KALRN: variants seen among roughly 807,000 people sequenced by gnomAD.
KALRN encodes the protein kalirin.
Under a neutral mutation model 353.7 loss-of-function variants are expected in KALRN, and 70 were observed. The ratio of observed to expected loss-of-function variants is 0.20; its 90% CI spans 0.16 to 0.24. The LOEUF (loss-of-function observed/expected upper bound fraction) is 0.24, where lower values mean the gene tolerates loss of function less well. Ranked by LOEUF, KALRN falls within the 10% of genes least tolerant of loss-of-function variation. The pLI, the probability that KALRN is intolerant of heterozygous loss-of-function variation, is 1.00. For missense variants in KALRN, 2,791 were observed against 3,756.7 expected (o/e 0.74, Z 6.72); for synonymous variants, 1,391 against 1,434.8 (o/e 0.97, Z 0.69).
intron 1 of KALRN, among the ~76,000 whole-genome samples, chr3:124,142,335 G>C (rs2066733601): frequency 1.3e-5 from 2 of 152,194 alleles, no homozygotes; most frequent in South Asian, 4.1e-4. Context: ...TCTGTACCCA[G>C]CCAACACATG....
At chr3:124,466,436 C>T (rs1447079829) in intron 25 of KALRN, among the ~76,000 whole-genome samples, 2 of 152,162 alleles carry the variant, frequency 1.3e-5, no homozygotes, top group African/African-American at 4.8e-5. Flanking sequence ...ATGCAGTCTT[C>T]CCATTTTGCC....
intron 1 of KALRN, chr3:124,164,749 T>C (rs1421013430): frequency 6.6e-6 from 1 of 152,262 alleles, no homozygotes; most frequent in Non-Finnish European, 1.5e-5. Flanking sequence ...ATTTTATTTC[T>C]TCTAAAATTA....
intron 1 of KALRN, chr3:124,152,427 C>A: frequency 7.4e-7 from 1 of 1,357,464 alleles, no homozygotes; most frequent in Non-Finnish European, 1.0e-6. Context: ...TGACAAATGC[C>A]AATTTGGGTT....
At chr3:124,680,634 T>A (rs766146657) in intron 51 of KALRN, among the ~76,000 whole-genome samples, 31 of 152,342 alleles carry the variant, frequency 2.0e-4, no homozygotes, top group Non-Finnish European at 3.4e-4. Flanking sequence ...ACCATGTTGT[T>A]TCAGCCACCA....
At chr3:124,097,566 C>T (rs1278912934) in intron 1 of KALRN, among the ~76,000 whole-genome samples, 1 of 152,176 alleles carries the variant, frequency 6.6e-6, no homozygotes, top group Non-Finnish European at 1.5e-5. Context: ...ACTCACTTGG[C>T]TGTGACTGGA....
At chr3:124,553,150 A>T (rs1441819915) in intron 33 of KALRN, among the ~76,000 whole-genome samples, 1 of 152,252 alleles carries the variant, frequency 6.6e-6, no homozygotes, top group Non-Finnish European at 1.5e-5. Context: ...TGATTACTGG[A>T]TAAACAATAT....
chr3:124,230,280 A>G (rs1473805816), intron 2 of KALRN, among the ~76,000 whole-genome samples: 1 of 152,182 alleles, frequency 6.6e-6, no homozygotes, highest in African/African-American at 2.4e-5. Flanking sequence ...TTCCCTCTGC[A>G]GTGCCTTCTC....
chr3:124,539,683 T>A (rs1386722894), intron 33 of KALRN, among the ~76,000 whole-genome samples: 7 of 152,176 alleles, frequency 4.6e-5, no homozygotes, highest in Admixed American at 3.9e-4. Flanking sequence ...TTCCAGATTC[T>A]TTTGAAGGAA....
intron 5 of KALRN, among the ~76,000 whole-genome samples, chr3:124,279,829 C>T (rs932991169): frequency 6.6e-6 from 1 of 152,166 alleles, no homozygotes; most frequent in Non-Finnish European, 1.5e-5. Context: ...AAGTTCACAA[C>T]GGTGTCTATT....
At chr3:124,688,130 G>A (rs941967935) in intron 51 of KALRN, among the ~76,000 whole-genome samples, 2 of 152,042 alleles carry the variant, frequency 1.3e-5, no homozygotes, top group Non-Finnish European at 2.9e-5. Flanking sequence ...GGGCAACATG[G>A]CGAGACCCCA....
rs1456550513 is a variant in KALRN, at chr3:124,462,588, A to C, written c.3986A>C (p.His1329Pro). 1.2e-6 allele frequency: 2 copies of C among 1,612,978 alleles called. No homozygotes were observed. Among genetic ancestry groups the C allele is most frequent in the Admixed American group, 1.7e-5 (1 of 60,016 alleles). Residue 1329 changes from histidine (H) to proline (P), a missense_variant, in exon 25 of 60, where the codon CAT (histidine) becomes CCT (proline). Physicochemically the swap from His to Pro is moderately conservative, Grantham distance 77. Transcript: ENST00000682506. ...CCCCCTGGGATCCTCAATAAAGAGC[A>C]TATCATCTTTGGCAACATCCAAGAG... is the stretch of plus-strand genomic sequence containing the variant. ...EIPPGILNKE[H>P]IIFGNIQEIY...
intron 1 of KALRN, chr3:124,096,636 G>C (rs2061467046): frequency 6.6e-6 from 1 of 152,136 alleles, no homozygotes; most frequent in African/African-American, 2.4e-5. Context: ...TCAAGTTCTG[G>C]CTCCATTGCC....
At chr3:124,577,150 G>T (rs748940171) in intron 34 of KALRN, among the ~76,000 whole-genome samples, 25 of 152,018 alleles carry the variant, frequency 1.6e-4, no homozygotes, top group Non-Finnish European at 3.4e-4. Flanking sequence ...TCTCAGTATG[G>T]CCTGAACCAC....
rs1425022225 is a variant in KALRN at position 124,666,560 on chromosome 3, C to T, written c.6457C>T (p.Gln2153Ter). ...TKERRVFLFEQIVIFSELLRK... is the reference protein window; with the variant it reads ...TKERRVFLFE ...AGAGAGGCGCGTGTTCCTCTTCGAGCAGATTGTCATCTTCAGTGAACTGCT... is the reference window on the plus strand; with the variant it reads ...AGAGAGGCGCGTGTTCCTCTTCGAGTAGATTGTCATCTTCAGTGAACTGCT... Residue 2153 changes from glutamine (Q) to a stop codon, truncating the protein, a stop_gained, in exon 46 of 60, where the codon CAG becomes TAG. Transcript: ENST00000682506. LOFTEE classifies it high-confidence loss of function. 6.2e-7 allele frequency: 1 copy of T among 1,614,080 alleles called. No individual in the cohort carries two copies.
chr3:124,211,308 G>T (rs984289113), intron 1 of KALRN, among the ~76,000 whole-genome samples: 1 of 152,182 alleles, frequency 6.6e-6, no homozygotes, highest in African/African-American at 2.4e-5. Context: ...TTTTGAGGTG[G>T]ACATTGATGA....
At chr3:124,601,251 G>T (rs1393589731) in intron 34 of KALRN, among the ~76,000 whole-genome samples, 1 of 152,162 alleles carries the variant, frequency 6.6e-6, no homozygotes, top group African/African-American at 2.4e-5. Flanking sequence ...CTGGCTACCT[G>T]GTATATGGAA....
At chr3:124,324,532 A>G (rs2079676100) in intron 6 of KALRN, among the ~76,000 whole-genome samples, 1 of 152,238 alleles carries the variant, frequency 6.6e-6, no homozygotes, top group Non-Finnish European at 1.5e-5. Flanking sequence ...GTAATGTCCT[A>G]GTTCTCTTAG....
At chr3:124,565,957 G>C (rs756307704) in intron 34 of KALRN, among the ~76,000 whole-genome samples, 1 of 152,204 alleles carries the variant, frequency 6.6e-6, no homozygotes, top group Non-Finnish European at 1.5e-5. Flanking sequence ...ATGGAAAATA[G>C]AGGCAAGAGA....
intron 33 of KALRN, among the ~76,000 whole-genome samples, chr3:124,547,010 C>G (rs947785852): frequency 2.0e-5 from 3 of 152,104 alleles, no homozygotes; most frequent in East Asian, 1.9e-4. Flanking sequence ...TTGAAGTCAG[C>G]CTTAAAGGAG....
Sources: gnomAD v4.1 joint callset for allele counts (sites outside exome capture counted in the v4.1 genomes callset) on GRCh38, gnomAD v4.1.1 for gene constraint, MANE v1.5 for transcripts, NCBI Gene and HGNC (gene_info 2026-07-23, HGNC 2026-07-21) for gene names.